Variants in WBP11 observed in about 807,000 individuals in gnomAD.
WBP11 encodes WW domain-binding protein 11.
Under a neutral mutation model 66.7 loss-of-function variants are expected in WBP11, and 12 were observed. That is an observed-to-expected ratio of 0.18 (90% confidence interval 0.12 to 0.29). WBP11 has a LOEUF of 0.29. Among genes scored for constraint, WBP11 ranks in the 10% least tolerant of loss-of-function variants. WBP11 has a pLI of 1.00. For missense variants in WBP11, 555 were observed against 818.3 expected, an observed-to-expected ratio of 0.68 and a Z score of 3.93; for synonymous variants, 255 against 273.8, an observed-to-expected ratio of 0.93 and a Z score of 0.68.
In WBP11 at chr12:14,800,472, T is replaced by C. The variant is rs183457240; in HGVS notation, c.96+280A>G. On this transcript the variant is annotated intron_variant, in intron 3 of 11. Coordinates refer to ENST00000261167, the MANE Select transcript of WBP11 (RefSeq NM_016312.3). Reference sequence around the variant, plus strand: ...TCATCAGTAGACTTTAAAACAGTTATGTTTTAATGAGTAAAAAAAAGAATT... The same window carrying C: ...TCATCAGTAGACTTTAAAACAGTTACGTTTTAATGAGTAAAAAAAAGAATT... Among the ~76,000 whole-genome samples the C allele has an allele frequency of 5.1e-4, 78 of 152,196 alleles. 1 individual carries two copies. The highest frequency in any genetic ancestry group is 1.4e-3 in the Admixed American group (22 of 15,288).
At chr12:14,793,640 A>G in intron 8 of WBP11, 91 bp downstream of exon 8, 3 of 1,428,192 alleles carry the variant, frequency 2.1e-6, no homozygotes, top group Non-Finnish European at 2.8e-6. Context: ...CAAAGATTTC[A>G]GAGTACTCTC....
At chr12:14,792,600 AG>A (rs1412149702) in intron 8 of WBP11, among the ~76,000 whole-genome samples, 1 of 152,088 alleles carries the variant, frequency 6.6e-6, no homozygotes, top group South Asian at 2.1e-4. Context: ...TGGGAGGCCG[AG>A]GGGGGCAGAT....
At chr12:14,799,859 G>GT (rs1949938516) in intron 3 of WBP11, 131 bp from the exon 4 acceptor site, 4 of 783,978 alleles carry the variant, frequency 5.1e-6, no homozygotes, top group Non-Finnish European at 7.7e-6. Context: ...AAACAGCTAT[G>GT]TAATTTTTTG....
chr12:14,801,576 A>G, intron 1 of WBP11, 148 bp from the exon 2 acceptor site: 1 of 552,044 alleles, frequency 1.8e-6, no homozygotes, highest in Non-Finnish European at 3.2e-6. Flanking sequence ...AATGTCCAAG[A>G]AAGATGGCAT....
At chr12:14,790,821 A>T (rs1321829376) in intron 9 of WBP11, 72 bp from the exon 10 acceptor site, 1 of 1,385,870 alleles carries the variant, frequency 7.2e-7, no homozygotes, top group African/African-American at 1.4e-5. Context: ...GCAATGACTG[A>T]ATACACATGG....
At position 14,796,584 on chromosome 12, in the gene WBP11, A is replaced by G. The variant is rs1012548015; in HGVS notation, c.387+223T>C. Among the ~76,000 whole-genome samples the G allele has an allele frequency of 6.6e-6, 1 of 152,190 alleles. No individual in the cohort carries two copies. Among genetic ancestry groups the G allele is most frequent in the African/African-American group, 2.4e-5 (1 of 41,450 alleles). On this transcript the variant is annotated intron_variant, in intron 5 of 11. Coordinates refer to ENST00000261167, the MANE Select transcript of WBP11 (RefSeq NM_016312.3). This position sits in a 1 kb window ranked among gnomAD's most constrained non-coding sequence, Gnocchi z 4.5. ...TAGTTTTGTTTCATGCACAAAATTT[A>G]TAAAATTATCTTCAGGCTATGTGTA...
chr12:14,793,836 T>C lies in WBP11; in HGVS notation c.808A>G (p.Ser270Gly), dbSNP rs1170669458. 2 of 1,614,150 alleles carry C rather than the reference T, an allele frequency of 1.2e-6. No homozygotes were observed. Among genetic ancestry groups the C allele is most frequent in the East Asian group, 2.2e-5 (1 of 44,878 alleles). The change falls in exon 8 of 12, where the codon AGT becomes GGT. Residue 270 changes from serine (S) to glycine (G), a missense_variant. By Grantham distance (56) the Ser-to-Gly change is moderately conservative. This residue lies in a region of WBP11 where 220 missense variants were observed against 268.2 expected (regional missense o/e 0.82). Transcript: ENST00000261167. ...TTGTCGGTGTCACTGTCATCAGTACTGTCATCATGCTTATCTTGATCCATG... is the reference window on the plus strand; with the variant it reads ...TTGTCGGTGTCACTGTCATCAGTACCGTCATCATGCTTATCTTGATCCATG... ...EDMDQDKHDDSTDDSDTDKSD... is the reference protein window; with the variant it reads ...EDMDQDKHDDGTDDSDTDKSD...
In WBP11 at chr12:14,791,285, G is replaced by C; in HGVS notation, c.914-15C>G. On this transcript the variant is annotated splice_polypyrimidine_tract_variant and intron_variant, in intron 8 of 11. Transcript: ENST00000261167. ...TACACTCAGACCTAAGGGGACAAAG[G>C]AGGGAGTGGAGTAGATTGGCATCAA... 6.2e-7 allele frequency: 1 copy of C among 1,610,808 alleles called. No homozygotes were observed. The highest frequency in any genetic ancestry group is 8.5e-7 in the Non-Finnish European group (1 of 1,177,122).
At position 14,800,797 on chromosome 12, in the gene WBP11, G is replaced by A. The variant is rs1237078277; in HGVS notation, c.65-14C>T. On this transcript the variant is annotated splice_polypyrimidine_tract_variant and intron_variant, in intron 2 of 11. Coordinates refer to ENST00000261167, the MANE Select transcript of WBP11 (RefSeq NM_016312.3). Reference sequence around the variant, plus strand: ...GGGCTTCCTTTCCTTTAAAAGGAGAGAGGGAGATATAATAAAATCTTTGAA... The same window carrying A: ...GGGCTTCCTTTCCTTTAAAAGGAGAAAGGGAGATATAATAAAATCTTTGAA... The A allele has an allele frequency of 1.3e-6, 2 of 1,594,766 alleles. No individual in the cohort carries two copies. The highest frequency in any genetic ancestry group is 2.2e-5 in the South Asian group (2 of 89,274).
rs1440026714 is a variant in WBP11 at position 14,803,448 on chromosome 12, C to G, written c.-142G>C. The G allele has an allele frequency of 2.5e-6, 1 of 398,660 alleles. No homozygotes were observed. The highest frequency in any genetic ancestry group is 2.1e-5 in the African/African-American group (1 of 48,646). The allele number at this position is 398,660 out of a possible 1,614,324, so 24.7% of individuals were successfully genotyped here. ...GCCTTCAACTGGGTCTCTCGGTCAACCCCTCAGCTACCGCCATCTTGAAAC... is the reference window on the plus strand; with the variant it reads ...GCCTTCAACTGGGTCTCTCGGTCAAGCCCTCAGCTACCGCCATCTTGAAAC... On this transcript the variant is annotated 5_prime_UTR_variant, in exon 1 of 12. Transcript: ENST00000261167.
intron 5 of WBP11, among the ~76,000 whole-genome samples, 198 bp from the exon 6 acceptor site, chr12:14,795,302 C>T (rs183217207): frequency 2.0e-5 from 3 of 152,272 alleles, no homozygotes; most frequent in East Asian, 1.9e-4. Flanking sequence ...CTTCTAAAAA[C>T]GTCAGAACCC....
Position 14,790,547 on chromosome 12 carries a change from G to A in WBP11, c.1218C>T (p.Pro406=). The A allele has an allele frequency of 6.2e-7, 1 of 1,614,016 alleles. No homozygotes were observed. Among genetic ancestry groups the A allele is most frequent in the Non-Finnish European group, 8.5e-7 (1 of 1,179,874 alleles). The change falls in exon 10 of 12, where the codon CCC becomes CCT. Residue 406 remains proline, a synonymous_variant. Coordinates refer to ENST00000261167, the MANE Select transcript of WBP11 (RefSeq NM_016312.3). ...SVPPSQIQAP[P]MPGPPPLGPP... ...GTCCAAGAGGTGGTGGTCCTGGCAT[G>A]GGAGGTGCTTGTATCTGAGAAGGAG...
chr12:14,802,694 G>T (rs963047847), intron 1 of WBP11, among the ~76,000 whole-genome samples: 2 of 151,794 alleles, frequency 1.3e-5, no homozygotes, highest in Non-Finnish European at 2.9e-5. Flanking sequence ...AACTGGGGAT[G>T]GGGGGGTTAG....
chr12:14,790,795 T>A (rs767161920), intron 9 of WBP11, 46 bp from the exon 10 acceptor site: 90 of 1,561,150 alleles, frequency 5.8e-5, no homozygotes, highest in Non-Finnish European at 7.7e-5. Flanking sequence ...TTCATTTTCT[T>A]ACAGTTTGGA....
In WBP11 at chr12:14,790,516, G is replaced by A. The variant is rs777363284; in HGVS notation, c.1249C>T (p.Pro417Ser). 6.2e-7 allele frequency: 1 copy of A among 1,614,008 alleles called. No individual in the cohort carries two copies. The highest frequency in any genetic ancestry group is 8.5e-7 in the Non-Finnish European group (1 of 1,179,862). Residue 417 changes from proline (P) to serine (S), a missense_variant, in exon 10 of 12, where the codon CCT becomes TCT. By Grantham distance (74) the Pro-to-Ser change is moderately conservative. Coordinates refer to ENST00000261167, the MANE Select transcript of WBP11 (RefSeq NM_016312.3). The part of the protein sequence containing the change: ...MPGPPPLGPP[P>S]APPLRPPGPP... ...CCAGGAGGCCGTAATGGTGGAGCAG[G>A]TGGTGGTCCAAGAGGTGGTGGTCCT... is the stretch of plus-strand genomic sequence containing the variant.
chr12:14,800,807 T>A (rs1183360808), intron 2 of WBP11, 24 bp from the exon 3 acceptor site: 1 of 1,578,780 alleles, frequency 6.3e-7, no homozygotes, highest in South Asian at 1.1e-5. Context: ...GAGGGAGATA[T>A]AATAAAATCT....
intron 1 of WBP11, chr12:14,801,940 AAG>A (rs1264854483): frequency 6.5e-6 from 1 of 153,040 alleles, no homozygotes; most frequent in Non-Finnish European, 1.5e-5. Context: ...CAATACTTCT[AAG>A]ACACTAAAAA....
intron 11 of WBP11, 141 bp from the exon 12 acceptor site, chr12:14,787,639 G>A: frequency 1.3e-6 from 1 of 759,988 alleles, no homozygotes; most frequent in Non-Finnish European, 1.9e-6. Flanking sequence ...CATATTGGTT[G>A]CTATTTGAAA....
At chr12:14,793,671 G>A in intron 8 of WBP11, 60 bp downstream of exon 8, 1 of 1,538,780 alleles carries the variant, frequency 6.5e-7, no homozygotes, top group Non-Finnish European at 8.8e-7. Flanking sequence ...TAATAAATTA[G>A]GACCTTCAGC....
Sources: gnomAD v4.1 joint callset for allele counts (sites outside exome capture counted in the v4.1 genomes callset) on GRCh38, gnomAD v4.1.1 for gene constraint, gnomAD v4.1.1 regional missense constraint, Gnocchi (gnomAD v3.1) non-coding constraint, MANE v1.5 for transcripts, NCBI Gene and HGNC (gene_info 2026-07-23, HGNC 2026-07-21) for gene names.